The following WDR45 variants were observed in gnomAD, a reference collection of about 807,000 sequenced individuals.
WDR45 encodes WD repeat domain 45, also known as WD repeat domain phosphoinositide-interacting protein 4.
In WDR45, 2 loss-of-function variants were observed where a neutral mutation model predicts 27.3. The observed-to-expected ratio is 0.07, with a 90% CI of 0.03 to 0.23. WDR45 has a LOEUF of 0.23. WDR45 is among the 10% of genes least tolerant of loss of function. The pLI, the probability that WDR45 is intolerant of heterozygous loss-of-function variation, is 1.00. For synonymous variants in WDR45, 99 were observed against 119.2 expected (o/e 0.83, Z 1.11); for missense variants, 175 against 311.9 (o/e 0.56, Z 3.31).
chrX:49,096,999 A>G (rs148385756), intron 2 of WDR45, among the ~76,000 whole-genome samples: 4,672 of 111,733 alleles, frequency 0.042, 113 homozygotes, highest in Middle Eastern at 0.14. Context: ...CGGTCTCCCA[A>G]TGTGCTGGGA....
intron 1 of WDR45, chrX:49,100,755 T>C (rs2065143037): frequency 8.9e-6 from 1 of 112,718 alleles, no homozygotes; most frequent in Non-Finnish European, 1.9e-5. Context: ...GCTGCAAACG[T>C]TGGACCGGCT....
intron 2 of WDR45, among the ~76,000 whole-genome samples, chrX:49,087,883 C>T (rs1421482612): frequency 3.6e-5 from 4 of 112,294 alleles, no homozygotes; most frequent in Non-Finnish European, 7.5e-5. Context: ...GGCAACAGAG[C>T]GAGACCCAGT....
intron 2 of WDR45, among the ~76,000 whole-genome samples, chrX:49,087,069 TAAA>T (rs2065088816): frequency 9.2e-6 from 1 of 108,769 alleles, no homozygotes; most frequent in Non-Finnish European, 1.9e-5. Context: ...TTTTTAAAGA[TAAA>T]GAAGGCTGGG....
chrX:49,086,175 G>A (rs960233828), intron 2 of WDR45, among the ~76,000 whole-genome samples: 21 of 111,505 alleles, frequency 1.9e-4, no homozygotes, highest in African/African-American at 6.2e-4. Context: ...TATTTGAGAT[G>A]GAGTTTCACT....
Position 49,076,455 on chromosome X carries a change from C to T in WDR45, c.411G>A (p.Glu137=). 2.5e-6 allele frequency: 3 copies of T among 1,212,161 alleles called. No homozygotes were observed. The highest frequency in any genetic ancestry group is 3.3e-6 in the Non-Finnish European group (3 of 895,612). Residue 137 remains glutamate, a synonymous_variant, in exon 6 of 11, where the codon GAG becomes GAA. Coordinates refer to ENST00000376372, the MANE Select transcript of WDR45 (RefSeq NM_001029896.2). ...CCTTGGGGTTGTCCCGGGTATCAAACTCAAACAGCTTTCGGGGATTGTCGG... is the reference window on the plus strand; with the variant it reads ...CCTTGGGGTTGTCCCGGGTATCAAATTCAAACAGCTTTCGGGGATTGTCGG... ...SFPDNPRKLF[E]FDTRDNPKGL... is the part of the protein sequence containing the mutation.
intron 2 of WDR45, among the ~76,000 whole-genome samples, chrX:49,093,193 G>A (rs2065113361): frequency 9.0e-6 from 1 of 111,638 alleles, no homozygotes; most frequent in Non-Finnish European, 1.9e-5. Flanking sequence ...ACAGGTGTGA[G>A]CCACTGTGCC....
intron 2 of WDR45, among the ~76,000 whole-genome samples, chrX:49,094,976 T>C (rs929742463): frequency 6.4e-5 from 7 of 108,876 alleles, no homozygotes; most frequent in Admixed American, 4.9e-4. Flanking sequence ...TTAGTAGAGA[T>C]GGAGTTTCTC....
At chrX:49,081,064 G>A (rs28653162), upstream of WDR45, among the ~76,000 whole-genome samples, 1 of 106,949 alleles carries the variant, frequency 9.4e-6, no homozygotes, top group Non-Finnish European at 1.9e-5. Flanking sequence ...GTGCCACCAC[G>A]CCCAGCTAAT....
chrX:49,085,358 CA>C (rs2065082917), intron 2 of WDR45, among the ~76,000 whole-genome samples: 1 of 112,061 alleles, frequency 8.9e-6, no homozygotes, highest in Non-Finnish European at 1.9e-5. Flanking sequence ...CTGGAAAACT[CA>C]TAATTCACAG....
chrX:49,081,687 G>A (rs1374122463), upstream of WDR45, among the ~76,000 whole-genome samples: 4 of 101,752 alleles, frequency 3.9e-5, no homozygotes, highest in East Asian at 3.2e-4. Flanking sequence ...CGAAATTCCC[G>A]TCTCAAAAAA....
At chrX:49,081,774 A>C (rs909550100), upstream of WDR45, among the ~76,000 whole-genome samples, 2 of 108,707 alleles carry the variant, frequency 1.8e-5, no homozygotes, top group Non-Finnish European at 3.8e-5. Context: ...GCCTGAGCTC[A>C]GGGGTTTGAG....
chrX:49,075,031 C>CTGA (rs1307620048), intron 10 of WDR45, 105 bp downstream of exon 10: 1 of 1,153,760 alleles, frequency 8.7e-7, no homozygotes, highest in Non-Finnish European at 1.2e-6. Context: ...GTCCCCCTTA[C>CTGA]TGATGATGAA....
upstream of WDR45, chrX:49,082,002 AG>A (rs1320692705): frequency 1.5e-3 from 163 of 108,109 alleles, 1 homozygote; most frequent in African/African-American, 5.0e-3. Context: ...AAAAAAAAAA[AG>A]AATATTCTTG....
At chrX:49,090,845 T>G (rs901363559) in intron 2 of WDR45, among the ~76,000 whole-genome samples, 7 of 109,508 alleles carry the variant, frequency 6.4e-5, no homozygotes, top group Non-Finnish European at 9.5e-5. Context: ...AGGCCTTTTT[T>G]TTTTTTGAGA....
intron 2 of WDR45, among the ~76,000 whole-genome samples, chrX:49,097,807 C>T (rs1362619004): frequency 9.2e-6 from 1 of 108,233 alleles, no homozygotes; most frequent in East Asian, 2.9e-4. Context: ...CAGGCGTTAG[C>T]CACCACACCT....
At chrX:49,100,810 A>G (rs1421474672) in intron 1 of WDR45, 1 of 113,019 alleles carries the variant, frequency 8.8e-6, no homozygotes, top group Non-Finnish European at 1.9e-5. Flanking sequence ...TACTGTATCC[A>G]GAGACCACAG....
chrX:49,083,316 GTTT>G (rs781995765), upstream of WDR45, among the ~76,000 whole-genome samples: 1 of 72,025 alleles, frequency 1.4e-5, no homozygotes, highest in Admixed American at 1.5e-4. Flanking sequence ...CCGGCCTCTC[GTTT>G]TTTTTTTTTT....
chrX:49,077,848 T>C lies in WDR45; in HGVS notation c.119A>G (p.Lys40Arg). The change falls in exon 3 of 11, where the codon AAG becomes AGG. Residue 40 changes from lysine to arginine, a missense_variant. Lys to Arg is a conservative substitution (Grantham distance 26). Transcript: ENST00000376372. ...RIYNVEPLME[K>R]GHLDHEQVGS... ...TGCCAACAGCTCACCCAGATGCCCCTTCTCCATCAAGGGCTCCACGTTGTA... is the reference window on the plus strand; with the variant it reads ...TGCCAACAGCTCACCCAGATGCCCCCTCTCCATCAAGGGCTCCACGTTGTA... 8.3e-7 allele frequency: 1 copy of C among 1,211,804 alleles called. No homozygotes were observed. The highest frequency in any genetic ancestry group is 1.1e-6 in the Non-Finnish European group (1 of 895,489).
chrX:49,080,668 C>G (rs1325494012), upstream of WDR45, among the ~76,000 whole-genome samples: 1 of 110,707 alleles, frequency 9.0e-6, no homozygotes, highest in African/African-American at 3.3e-5. Flanking sequence ...GTCTCGAACT[C>G]TTGACCTCAG....
Sources: allele counts gnomAD v4.1 joint callset (sites outside exome capture counted in the v4.1 genomes callset), GRCh38; gene constraint gnomAD v4.1.1; transcripts MANE v1.5; gene names NCBI Gene and HGNC (gene_info 2026-07-23, HGNC 2026-07-21).